Variants in ANK2 observed in about 807,000 individuals in gnomAD.
ANK2 encodes ankyrin-2.
ANK2 carries 83 observed loss-of-function variants against 360.5 expected under a neutral mutation model. The observed-to-expected ratio is 0.23, with a 90% CI of 0.19 to 0.28. The LOEUF is 0.28. Ranked by LOEUF, ANK2 falls within the 10% of genes least tolerant of loss-of-function variation. The pLI is 1.00. For synonymous variants in ANK2, 1,740 were observed against 1,759.5 expected, an observed-to-expected ratio of 0.99 and a Z score of 0.28; for missense variants, 4,201 against 4,795.7, an observed-to-expected ratio of 0.88 and a Z score of 3.66.
chr4:112,732,527 C>G, the ANK2 span, among the ~76,000 whole-genome samples: 1 of 151,894 alleles, frequency 6.6e-6, no homozygotes, highest in South Asian at 2.1e-4. Flanking sequence ...AATCACAGGC[C>G]TGTGCCCAGC....
At chr4:112,778,303 C>T in the ANK2 span, among the ~76,000 whole-genome samples, 5 of 151,928 alleles carry the variant, frequency 3.3e-5, no homozygotes, top group South Asian at 1.0e-3. Flanking sequence ...TTTGAAGTAG[C>T]TGAGATTATG....
At chr4:113,288,054 A>G (rs918391215) in intron 19 of ANK2, among the ~76,000 whole-genome samples, 7 of 152,032 alleles carry the variant, frequency 4.6e-5, no homozygotes, top group African/African-American at 1.7e-4. Context: ...TTCCCTCTCT[A>G]TGCCATAAAA....
intron 1 of ANK2, among the ~76,000 whole-genome samples, chr4:112,851,753 A>G (rs1357995542): frequency 6.6e-6 from 1 of 151,950 alleles, no homozygotes; most frequent in Non-Finnish European, 1.5e-5. Flanking sequence ...CCTCCCGAGT[A>G]GCTGGCACTA....
At chr4:113,340,097 A>T (rs1231360248) in intron 32 of ANK2, among the ~76,000 whole-genome samples, 1 of 152,222 alleles carries the variant, frequency 6.6e-6, no homozygotes, top group Non-Finnish European at 1.5e-5. Context: ...CAGAGGCTCA[A>T]CTATTGAGTC....
intron 1 of ANK2, among the ~76,000 whole-genome samples, chr4:113,129,145 T>A (rs2095852452): frequency 6.6e-6 from 1 of 152,134 alleles, no homozygotes; most frequent in Admixed American, 6.6e-5. Flanking sequence ...GGGTCTTTAC[T>A]AATAGAAATA....
chr4:113,206,472 G>A (rs192544510), intron 4 of ANK2, among the ~76,000 whole-genome samples: 359 of 152,028 alleles, frequency 2.4e-3, no homozygotes, highest in Non-Finnish European at 4.1e-3. Flanking sequence ...TCTTAATAAG[G>A]GTCTTGTTTT....
At chr4:112,826,240 A>C in intron 1 of ANK2, 5 of 393,132 alleles carry the variant, frequency 1.3e-5, no homozygotes, top group African/African-American at 2.1e-5. Context: ...TTCTAAGTCT[A>C]AGGCCTATCT....
chr4:112,758,532 T>C, the ANK2 span, among the ~76,000 whole-genome samples: 111 of 152,244 alleles, frequency 7.3e-4, no homozygotes, highest in African/African-American at 2.5e-3. Context: ...TGCCTCAGCC[T>C]CCTGAGTAGT....
chr4:113,307,977 A>G (rs956063198), intron 23 of ANK2, among the ~76,000 whole-genome samples: 1 of 152,240 alleles, frequency 6.6e-6, no homozygotes, highest in African/African-American at 2.4e-5. Flanking sequence ...TAACAATCGG[A>G]AGGAAGTTAT....
chr4:113,224,259 A>T (rs1055031511), intron 4 of ANK2, among the ~76,000 whole-genome samples: 4 of 152,240 alleles, frequency 2.6e-5, no homozygotes, highest in African/African-American at 9.6e-5. Context: ...CACCACAGGT[A>T]TAAAAAGGAA....
chr4:113,037,941 C>A (rs1408131830), intron 2 of ANK2, among the ~76,000 whole-genome samples: 2 of 151,994 alleles, frequency 1.3e-5, no homozygotes, highest in Non-Finnish European at 2.9e-5. Context: ...TCTTCCAACT[C>A]TATTATGTGT....
intron 4 of ANK2, among the ~76,000 whole-genome samples, chr4:113,213,880 T>C (rs1007964617): frequency 6.6e-6 from 1 of 152,080 alleles, no homozygotes; most frequent in East Asian, 1.9e-4. Context: ...AATCAATCCC[T>C]AGCCAGTGCA....
chr4:112,928,736 G>C (rs1414425860), intron 2 of ANK2, among the ~76,000 whole-genome samples: 1 of 152,126 alleles, frequency 6.6e-6, no homozygotes, highest in Non-Finnish European at 1.5e-5. Flanking sequence ...CCATCTGCAA[G>C]CTAAAGAGAG....
chr4:112,810,997 G>T, the ANK2 span, among the ~76,000 whole-genome samples: 3 of 149,376 alleles, frequency 2.0e-5, no homozygotes, highest in Non-Finnish European at 4.4e-5. Context: ...GGGCAGTGGC[G>T]CGATCTCGGC....
At chr4:112,771,598 T>TG in the ANK2 span, among the ~76,000 whole-genome samples, 2 of 151,550 alleles carry the variant, frequency 1.3e-5, no homozygotes, top group Admixed American at 1.3e-4. Flanking sequence ...AACTTTTTTT[T>TG]TTTTTGAGAC....
At chr4:113,088,862 T>C (rs891337566) in intron 1 of ANK2, among the ~76,000 whole-genome samples, 2 of 152,192 alleles carry the variant, frequency 1.3e-5, no homozygotes, top group African/African-American at 4.8e-5. Context: ...AGTGTCCCTT[T>C]TCACACTGCT....
intron 13 of ANK2, among the ~76,000 whole-genome samples, chr4:113,259,673 T>C (rs936910936): frequency 2.6e-5 from 4 of 152,130 alleles, no homozygotes; most frequent in Non-Finnish European, 4.4e-5. Context: ...TATTATATGC[T>C]AATCTTTATT....
In ANK2 at chr4:113,333,207, A is replaced by G. The variant is rs1397117454; in HGVS notation, c.3378A>G (p.Glu1126=). ...ATGAAATTCTTAACGGCATGGATGA[A>G]GGTACTTTCAGATGAAGCGTTTTAA... The part of the protein sequence containing the change: ...ELNEILNGMD[E]VLDSPEDLEK... The change falls in exon 29 of 46, where the codon GAA becomes GAG. Residue 1126 remains glutamate (E), a splice_region_variant and synonymous_variant. Transcript: ENST00000357077. 1.2e-6 allele frequency: 2 copies of G among 1,614,160 alleles called. No individual in the cohort carries two copies. The highest frequency in any genetic ancestry group is 2.2e-5 in the South Asian group (2 of 91,080).
At chr4:112,756,295 T>C in the ANK2 span, among the ~76,000 whole-genome samples, 77 of 147,368 alleles carry the variant, frequency 5.2e-4, no homozygotes, top group East Asian at 2.7e-3. Context: ...CTCTCTCAGG[T>C]TGAGCATTAT....
Sources: gnomAD v4.1 joint callset for allele counts (sites outside exome capture counted in the v4.1 genomes callset) on GRCh38, gnomAD v4.1.1 for gene constraint, MANE v1.5 for transcripts, NCBI Gene and HGNC (gene_info 2026-07-23, HGNC 2026-07-21) for gene names.